The following LIMK2 variants were observed in gnomAD, a reference collection of about 807,000 sequenced individuals.
The protein encoded by LIMK2 is LIM domain kinase 2.
LIMK2 carries 35 observed loss-of-function variants against 75.7 expected under a neutral mutation model. The ratio of observed to expected loss-of-function variants is 0.46; its 90% CI spans 0.35 to 0.61. The LOEUF is 0.61. Among genes scored for constraint, LIMK2 ranks in the 20% least tolerant of loss-of-function variants. The pLI is 0.00. For missense variants in LIMK2, 623 were observed against 831.0 expected (o/e 0.75, Z 3.08); for synonymous variants, 301 against 319.2 (o/e 0.94, Z 0.61).
chr22:31,217,373 G>A (rs1293376132), intron 1 of LIMK2, among the ~76,000 whole-genome samples: 1 of 151,818 alleles, frequency 6.6e-6, no homozygotes, highest in Admixed American at 6.6e-5. Flanking sequence ...CTCCAGCCTG[G>A]GTGACAGAGC....
At chr22:31,216,770 G>A (rs982228414) in intron 1 of LIMK2, among the ~76,000 whole-genome samples, 2 of 152,194 alleles carry the variant, frequency 1.3e-5, no homozygotes, top group East Asian at 3.9e-4. Context: ...TCTGGAGGCT[G>A]AGCTGATTCC....
intron 2 of LIMK2, among the ~76,000 whole-genome samples, chr22:31,249,732 G>C (rs1014550333): frequency 6.6e-6 from 1 of 152,104 alleles, no homozygotes; most frequent in African/African-American, 2.4e-5. Context: ...TTGCTGCCGG[G>C]ATACTAGTCA....
At chr22:31,224,209 G>C (rs1484267999) in intron 1 of LIMK2, among the ~76,000 whole-genome samples, 2 of 152,208 alleles carry the variant, frequency 1.3e-5, no homozygotes, top group Non-Finnish European at 2.9e-5. Context: ...GCCATACCAG[G>C]AGTATTGTAT....
At chr22:31,271,251 C>A in intron 12 of LIMK2, 50 bp downstream of exon 12, 1 of 1,525,962 alleles carries the variant, frequency 6.6e-7, no homozygotes, top group Non-Finnish European at 9.1e-7. Flanking sequence ...TCCTTCCTGG[C>A]TTCCTTGTCA....
chr22:31,243,142 G>A (rs1358126472), intron 2 of LIMK2, among the ~76,000 whole-genome samples: 3 of 152,122 alleles, frequency 2.0e-5, no homozygotes, highest in African/African-American at 4.8e-5. Context: ...GGTTGGTCAC[G>A]AACACTTGAC....
Position 31,260,055 on chromosome 22 carries a change from G to T in LIMK2, c.529G>T (p.Ala177Ser). 1.9e-6 allele frequency: 3 copies of T among 1,591,440 alleles called. No individual in the cohort carries two copies. Among genetic ancestry groups the T allele is most frequent in the Non-Finnish European group, 2.6e-6 (3 of 1,171,896 alleles). The change falls in exon 5 of 16, where the codon GCC becomes TCC. Residue 177 changes from alanine to serine, a missense_variant. Ala to Ser is a moderately conservative substitution (Grantham distance 99, BLOSUM62 1). Transcript: ENST00000331728. ...CGTGGAGAGTGCCTGCTCCAACTAC[G>T]CCACCACTGTGCAAGTGAAAGAGTA... ...VSVESACSNY[A>S]TTVQVKEVNR...
intron 2 of LIMK2, among the ~76,000 whole-genome samples, chr22:31,242,873 G>C (rs2283880): frequency 9.2e-5 from 14 of 152,156 alleles, no homozygotes; most frequent in Non-Finnish European, 2.1e-4. Flanking sequence ...GTTCACATAT[G>C]TTCTCATTTA....
intron 14 of LIMK2, among the ~76,000 whole-genome samples, chr22:31,274,897 G>C (rs2048997313): frequency 3.3e-5 from 5 of 152,278 alleles, no homozygotes; most frequent in Admixed American, 2.0e-4. Context: ...GCTAGGAGCA[G>C]ATGCTGATTT....
rs369493707 is a variant in LIMK2 at position 31,262,216 on chromosome 22, G to A, written c.634G>A (p.Val212Ile). 1.1e-4 allele frequency: 171 copies of A among 1,613,836 alleles called. 1 individual carries two copies. The highest frequency in any genetic ancestry group is 3.1e-4 in the East Asian group (14 of 44,886). The change falls in exon 6 of 16, where the codon GTC becomes ATC. Residue 212 changes from valine to isoleucine, a missense_variant. Transcript: ENST00000331728. This position sits in a 1 kb window ranked among gnomAD's most constrained non-coding sequence, Gnocchi z 5.0. ...CATCCTGGAGATCAATGGGACCCCC[G>A]TCCGCACACTTCGAGTGGAGGAGGT... ...DRILEINGTP[V>I]RTLRVEEVED...
intron 2 of LIMK2, chr22:31,248,705 T>C (rs181086060): frequency 2.0e-4 from 323 of 1,614,122 alleles, no homozygotes; most frequent in Non-Finnish European, 2.6e-4. Context: ...GTCTATCTGG[T>C]GTGGGAAGAA....
chr22:31,277,103 G>T, intron 15 of LIMK2: 1 of 1,613,908 alleles, frequency 6.2e-7, no homozygotes, highest in Non-Finnish European at 8.5e-7. Flanking sequence ...GACAAGATCC[G>T]GGCCATGCAG....
chr22:31,226,902 G>A (rs576874283), intron 2 of LIMK2, among the ~76,000 whole-genome samples: 104 of 152,266 alleles, frequency 6.8e-4, no homozygotes, highest in Admixed American at 1.1e-3. Flanking sequence ...GAGCCACCGC[G>A]CCCTGCCTAT....
At chr22:31,277,102 C>T (rs371905356) in intron 15 of LIMK2, 5 of 1,613,786 alleles carry the variant, frequency 3.1e-6, no homozygotes, top group Non-Finnish European at 4.2e-6. Flanking sequence ...GGACAAGATC[C>T]GGGCCATGCA....
chr22:31,244,072 G>A (rs1249172591), intron 2 of LIMK2, among the ~76,000 whole-genome samples: 1 of 152,220 alleles, frequency 6.6e-6, no homozygotes, highest in East Asian at 1.9e-4. Flanking sequence ...GCATTGAGAT[G>A]TCCTCTCACT....
chr22:31,222,226 A>G (rs1475666483), intron 1 of LIMK2, among the ~76,000 whole-genome samples: 1 of 151,664 alleles, frequency 6.6e-6, no homozygotes, highest in Non-Finnish European at 1.5e-5. Flanking sequence ...ATGCACCACC[A>G]TGCCTGGCTA....
At chr22:31,225,894 C>CTGATGGAAAGCCCT in intron 2 of LIMK2, 75 bp downstream of exon 2, 1 of 1,073,602 alleles carries the variant, frequency 9.3e-7, no homozygotes, top group Non-Finnish European at 1.4e-6. Flanking sequence ...ATGGAAAACA[C>CTGATGGAAAGCCCT]AGAAACAAGC....
In LIMK2 at chr22:31,223,265, G is replaced by GT. The variant is rs548211504; in HGVS notation, c.17-2454dup. On this transcript the variant is annotated intron_variant, in intron 1 of 15. Coordinates refer to ENST00000331728, the MANE Select transcript of LIMK2 (RefSeq NM_005569.4). ...GTACTAAAGTATGTGTTGATTGAAT[G>GT]TCTTTGGGTTTCTCAAGACTGGAGA... 9.3e-3 allele frequency among the ~76,000 whole-genome samples: 1,410 copies of GT among 152,266 alleles called. 8 individuals carry two copies. The highest frequency in any genetic ancestry group is 0.024 in the Middle Eastern group (7 of 294).
chr22:31,212,338 G>C lies in LIMK2; in HGVS notation c.-71G>C. On this transcript the variant is annotated 5_prime_UTR_variant, in exon 1 of 16. Transcript: ENST00000331728. Reference sequence around the variant, plus strand: ...AGGCGGCGGCGGCAGGAGCTGAGGGGAGTTGTAGGGAACTGAGGGGAGCTG... The same window carrying C: ...AGGCGGCGGCGGCAGGAGCTGAGGGCAGTTGTAGGGAACTGAGGGGAGCTG... 2 of 1,308,556 alleles carry C rather than the reference G, an allele frequency of 1.5e-6. No individual in the cohort carries two copies. Among genetic ancestry groups the C allele is most frequent in the Non-Finnish European group, 2.0e-6 (2 of 1,018,150 alleles). The allele number at this position is 1,308,556 out of a possible 1,614,324, so 81.1% of individuals were successfully genotyped here. A position where few individuals can be genotyped will look rare whatever the true frequency, so the allele number is the denominator to read the frequency against.
chr22:31,248,310 C>T (rs2048689841), intron 2 of LIMK2: 3 of 1,196,542 alleles, frequency 2.5e-6, no homozygotes, highest in Admixed American at 3.5e-5. Context: ...AGCCCCTCCT[C>T]TTCCTCCCTC....
Sources: gnomAD v4.1 joint callset for allele counts (sites outside exome capture counted in the v4.1 genomes callset) on GRCh38, gnomAD v4.1.1 for gene constraint, Gnocchi (gnomAD v3.1) non-coding constraint, MANE v1.5 for transcripts, NCBI Gene and HGNC (gene_info 2026-07-23, HGNC 2026-07-21) for gene names.